Variants in ASB17 observed in about 807,000 individuals in gnomAD.
ASB17 encodes ankyrin repeat and SOCS box containing 17, also known as ankyrin repeat and SOCS box protein 17.
A neutral mutation model predicts 25.7 loss-of-function variants in ASB17; 26 were observed. That is an observed-to-expected ratio of 1.01 (90% CI 0.74 to 1.40). The LOEUF is 1.40. Ranked by LOEUF, ASB17 falls within the 40% of genes most tolerant of loss-of-function variation. The pLI is 0.00. For missense variants in ASB17, 326 were observed against 338.5 expected (o/e 0.96, Z 0.29); for synonymous variants, 128 against 121.4 (o/e 1.05, Z -0.36).
At chr1:75,919,184 T>C (rs773997459) in intron 2 of ASB17, 26 bp from the exon 3 acceptor site, 1 of 1,482,904 alleles carries the variant, frequency 6.7e-7, no homozygotes, top group East Asian at 2.3e-5. Context: ...ATATTTTACT[T>C]TTGTAATGTT....
intron 1 of ASB17, among the ~76,000 whole-genome samples, chr1:75,927,139 T>C (rs1250179671): frequency 3.3e-5 from 5 of 152,184 alleles, no homozygotes; most frequent in Non-Finnish European, 7.4e-5. Flanking sequence ...CTCTGAAAGC[T>C]GGCAAAGGCA....
At chr1:75,922,655 C>T (rs1380198551) in intron 1 of ASB17, among the ~76,000 whole-genome samples, 1 of 151,876 alleles carries the variant, frequency 6.6e-6, no homozygotes, top group Non-Finnish European at 1.5e-5. Context: ...TGCCACCACA[C>T]CTGGCTAATT....
At chr1:75,925,816 G>A (rs1420228490) in intron 1 of ASB17, among the ~76,000 whole-genome samples, 4 of 151,926 alleles carry the variant, frequency 2.6e-5, no homozygotes, top group Admixed American at 6.6e-5. Context: ...ATTTCTAGCT[G>A]AAAAATTTGA....
At chr1:75,923,396 A>C (rs1303344128) in intron 1 of ASB17, among the ~76,000 whole-genome samples, 1 of 152,108 alleles carries the variant, frequency 6.6e-6, no homozygotes, top group Non-Finnish European at 1.5e-5. Flanking sequence ...TATTTTTTTA[A>C]ATGGTATATA....
At chr1:75,929,773 C>T (rs181276697) in intron 1 of ASB17, among the ~76,000 whole-genome samples, 29 of 151,786 alleles carry the variant, frequency 1.9e-4, no homozygotes, top group African/African-American at 6.3e-4. Flanking sequence ...AGATTTGAAA[C>T]GAAAGAGATG....
At chr1:75,929,839 T>A (rs1347839991) in intron 1 of ASB17, among the ~76,000 whole-genome samples, 2 of 152,116 alleles carry the variant, frequency 1.3e-5, no homozygotes, top group Non-Finnish European at 2.9e-5. Flanking sequence ...ATAACAGGAC[T>A]TACTGATGTG....
chr1:75,932,324 C>A lies in ASB17; in HGVS notation c.-33G>T. ...TATAGCAGCACTGTAGAAATAAAAT[C>A]AGAGGTAAGCATACTGTAATCCTCC... On this transcript the variant is annotated 5_prime_UTR_variant, in exon 1 of 3. Transcript: ENST00000284142. 2 of 1,539,352 alleles carry A rather than the reference C, an allele frequency of 1.3e-6. No homozygotes were observed. Among genetic ancestry groups the A allele is most frequent in the South Asian group, 2.5e-5 (2 of 78,966 alleles).
chr1:75,926,936 A>C (rs1653188853), intron 1 of ASB17, among the ~76,000 whole-genome samples: 1 of 152,130 alleles, frequency 6.6e-6, no homozygotes, highest in African/African-American at 2.4e-5. Context: ...ATGGCCCCTC[A>C]GTATGGCAAA....
In ASB17 at chr1:75,931,931, A is replaced by G; in HGVS notation, c.361T>C (p.Tyr121His). 6.2e-7 allele frequency: 1 copy of G among 1,612,590 alleles called. No homozygotes were observed. Among genetic ancestry groups the G allele is most frequent in the Non-Finnish European group, 8.5e-7 (1 of 1,179,374 alleles). The part of the protein sequence containing the change: ...VELLLKKTKD[Y>H]VQDRSCNLAL... ...AGGTTACAACTTCTGTCTTGAACAT[A>G]GTCTTTTGTCTTCTTGAGAAGCAAT... is the stretch of plus-strand genomic sequence containing the variant. Residue 121 changes from tyrosine (Y) to histidine (H), a missense_variant, in exon 1 of 3, where the codon TAT (tyrosine) becomes CAT (histidine). Coordinates refer to ENST00000284142, the MANE Select transcript of ASB17 (RefSeq NM_080868.3).
intron 2 of ASB17, among the ~76,000 whole-genome samples, chr1:75,921,073 C>T (rs182176047): frequency 1.3e-5 from 2 of 152,332 alleles, no homozygotes; most frequent in African/African-American, 4.8e-5. Flanking sequence ...TGCGCCCGGC[C>T]TGTCCTAGTG....
intron 1 of ASB17, among the ~76,000 whole-genome samples, chr1:75,926,073 T>C (rs1653165241): frequency 6.6e-6 from 1 of 152,190 alleles, no homozygotes; most frequent in Non-Finnish European, 1.5e-5. Flanking sequence ...TGACCATAAC[T>C]TCAATTCCTG....
chr1:75,926,337 C>T (rs1653171739), intron 1 of ASB17, among the ~76,000 whole-genome samples: 2 of 152,058 alleles, frequency 1.3e-5, no homozygotes, highest in African/African-American at 2.4e-5. Context: ...ACGGTCAGGG[C>T]ATTTTTAAAT....
rs757379813 is a variant in ASB17, at chr1:75,922,136, T to G, written c.625A>C (p.Thr209Pro). 1 of 1,613,828 alleles carries G rather than the reference T, an allele frequency of 6.2e-7. No homozygotes were observed. The highest frequency in any genetic ancestry group is 1.3e-5 in the African/African-American group (1 of 74,938). ...ELADIHEDAK[T>P]CLVLCSRVLS... ...ACTCTGGAACATAGTACCAAACATG[T>G]TTTGGCATCTTCATGGATGTCAGCC... The change falls in exon 2 of 3, where the codon ACA (threonine) becomes CCA (proline). Residue 209 changes from threonine to proline, a missense_variant. Transcript: ENST00000284142.
At chr1:75,927,536 T>A (rs1428698121) in intron 1 of ASB17, among the ~76,000 whole-genome samples, 1 of 152,180 alleles carries the variant, frequency 6.6e-6, no homozygotes, top group East Asian at 1.9e-4. Flanking sequence ...TTGGGAGGGA[T>A]GTTGGTAGAA....
rs962921498 is a variant in ASB17, at chr1:75,919,384, GTT to G, written c.682-228_682-227del. Among the ~76,000 whole-genome samples the G allele has an allele frequency of 3.4e-5, 5 of 146,382 alleles. No individual in the cohort carries two copies. In the Admixed American group the frequency reaches 3.4e-4, roughly 10 times the overall value. On this transcript the variant is annotated intron_variant, in intron 2 of 2. Coordinates refer to ENST00000284142, the MANE Select transcript of ASB17 (RefSeq NM_080868.3). ...ATATGTCTAAGGACACAAGGCAACA[GTT>G]TTTTTTTTTATTATTATACTTTAAG...
At chr1:75,929,347 C>G (rs1441768466) in intron 1 of ASB17, among the ~76,000 whole-genome samples, 1 of 151,680 alleles carries the variant, frequency 6.6e-6, no homozygotes, top group East Asian at 1.9e-4. Flanking sequence ...GCCTCAGCCT[C>G]CCGAGTAGCT....
intron 2 of ASB17, among the ~76,000 whole-genome samples, chr1:75,919,737 T>G (rs1358249426): frequency 6.6e-6 from 1 of 152,342 alleles, no homozygotes; most frequent in South Asian, 2.1e-4. Context: ...TATGGCTGCA[T>G]AGTATTCCAT....
chr1:75,931,334 A>G (rs1653316379), intron 1 of ASB17, among the ~76,000 whole-genome samples: 1 of 152,208 alleles, frequency 6.6e-6, no homozygotes, highest in African/African-American at 2.4e-5. Context: ...CCTCAGTAGT[A>G]TGCATTAGGT....
At chr1:75,923,676 CA>C (rs1653091257) in intron 1 of ASB17, among the ~76,000 whole-genome samples, 1 of 151,956 alleles carries the variant, frequency 6.6e-6, no homozygotes, top group Admixed American at 6.6e-5. Flanking sequence ...AAGACTTATG[CA>C]AAAAGGGGAA....
Sources: gnomAD v4.1 joint callset for allele counts (sites outside exome capture counted in the v4.1 genomes callset) on GRCh38, gnomAD v4.1.1 for gene constraint, MANE v1.5 for transcripts, NCBI Gene and HGNC (gene_info 2026-07-23, HGNC 2026-07-21) for gene names.